The following SEMA3A variants were observed in gnomAD, a reference collection of about 807,000 sequenced individuals.
SEMA3A encodes semaphorin-3A.
A neutral mutation model predicts 97.9 loss-of-function variants in SEMA3A; 29 were observed. The ratio of observed to expected loss-of-function variants is 0.30; its 90% confidence interval spans 0.22 to 0.40. SEMA3A has a LOEUF of 0.40. Among genes scored for constraint, SEMA3A ranks in the 10% least tolerant of loss-of-function variants. The probability of loss-of-function intolerance (pLI) is 1.00; values close to 1 mark genes in which losing one functional copy is unlikely to be tolerated. For missense variants in SEMA3A, 763 were observed against 951.3 expected (o/e 0.80, Z 2.60); for synonymous variants, 321 against 323.7 (o/e 0.99, Z 0.09).
intron 2 of SEMA3A, among the ~76,000 whole-genome samples, chr7:84,312,915 T>TATAC (rs1801372958): frequency 2.3e-5 from 1 of 43,580 alleles, no homozygotes; most frequent in African/African-American, 6.7e-5. Context: ...TATATATATA[T>TATAC]ATATATACAC....
intron 6 of SEMA3A, among the ~76,000 whole-genome samples, chr7:84,031,718 C>G (rs924892981): frequency 6.6e-6 from 1 of 152,034 alleles, no homozygotes; most frequent in Non-Finnish European, 1.5e-5. Context: ...TGCCTGTAAT[C>G]TCAGCTACTC....
At chr7:84,255,358 C>T (rs938882364) in intron 3 of SEMA3A, among the ~76,000 whole-genome samples, 2 of 151,994 alleles carry the variant, frequency 1.3e-5, no homozygotes, top group African/African-American at 2.4e-5. Flanking sequence ...TTGAGATTGT[C>T]TTCATCCAGG....
intron 5 of SEMA3A, among the ~76,000 whole-genome samples, chr7:84,054,982 C>A (rs6975438): frequency 6.6e-6 from 1 of 151,282 alleles, no homozygotes; most frequent in Admixed American, 6.6e-5. Flanking sequence ...GTCAGTCTGC[C>A]CCTGCTGTGG....
In SEMA3A at chr7:84,219,671, A is replaced by C. The variant is rs117761072; in HGVS notation, c.-82-25003T>G. Reference sequence around the variant, plus strand: ...AATTTTAAAATACTTTATTGCTAAAAATTGCTAAGAATCATCTCAGCCTTC... The same window carrying C: ...AATTTTAAAATACTTTATTGCTAAACATTGCTAAGAATCATCTCAGCCTTC... On this transcript the variant is annotated intron_variant, in intron 3 of 3. Transcript: ENST00000424555. 6.6e-3 allele frequency among the ~76,000 whole-genome samples: 1,004 copies of C among 152,306 alleles called. 8 individuals are homozygous for C. Among genetic ancestry groups the C allele is most frequent in the Non-Finnish European group, 0.011 (763 of 68,020 alleles).
At chr7:84,450,520 C>T (rs1805528481) in intron 1 of SEMA3A, among the ~76,000 whole-genome samples, 1 of 152,182 alleles carries the variant, frequency 6.6e-6, no homozygotes, top group Non-Finnish European at 1.5e-5. Context: ...ATCTGTGATG[C>T]AATGTATGGC....
At chr7:84,361,037 T>A (rs1802706351) in intron 2 of SEMA3A, among the ~76,000 whole-genome samples, 1 of 152,142 alleles carries the variant, frequency 6.6e-6, no homozygotes, top group Non-Finnish European at 1.5e-5. Context: ...TAATATTCAA[T>A]TTTCCATTTT....
At chr7:84,428,440 A>G (rs983264501) in intron 1 of SEMA3A, among the ~76,000 whole-genome samples, 31 of 152,102 alleles carry the variant, frequency 2.0e-4, no homozygotes, top group Admixed American at 1.2e-3. Flanking sequence ...GATTTCAAAC[A>G]TAACAGCTAT....
rs77891548 is a variant in SEMA3A, at chr7:83,962,206, C to T, written c.1861-380G>A. On this transcript the variant is annotated intron_variant, in intron 16 of 16. Coordinates refer to ENST00000265362, the MANE Select transcript of SEMA3A (RefSeq NM_006080.3). ...ACAGAACCATGATACTAGAAAGATA[C>T]GGGGCATTAGAATGAATTTATAATA... 6.3e-4 allele frequency among the ~76,000 whole-genome samples: 95 copies of T among 151,752 alleles called. 2 individuals carry two copies. In the East Asian group the frequency reaches 0.016, roughly 26 times the overall value.
At chr7:84,298,896 G>A (rs550886870) in intron 3 of SEMA3A, among the ~76,000 whole-genome samples, 1 of 152,216 alleles carries the variant, frequency 6.6e-6, no homozygotes, top group Admixed American at 6.5e-5. Flanking sequence ...AATAAAGCAG[G>A]CAGGAGACGA....
At chr7:84,432,030 G>A (rs1047182874) in intron 1 of SEMA3A, among the ~76,000 whole-genome samples, 1 of 152,000 alleles carries the variant, frequency 6.6e-6, no homozygotes, top group Non-Finnish European at 1.5e-5. Flanking sequence ...AAAGAAGGGA[G>A]ACTGTGGATT....
rs1001078274 is a variant in SEMA3A, at chr7:84,060,519, C to G, written c.493G>C (p.Gly165Arg). 6.3e-7 allele frequency: 1 copy of G among 1,594,972 alleles called. No individual in the cohort carries two copies. The highest frequency in any genetic ancestry group is 8.5e-7 in the Non-Finnish European group (1 of 1,172,864). Residue 165 changes from glycine (G) to arginine (R), a missense_variant, in exon 5 of 17, where the codon GGC becomes CGC. This residue lies in a region of SEMA3A where 678 missense variants were observed against 881.3 expected (regional missense o/e 0.77). Coordinates refer to ENST00000265362, the MANE Select transcript of SEMA3A (RefSeq NM_006080.3). ...FKLENSHFENGRGKSPYDPKL... is the reference protein window; with the variant it reads ...FKLENSHFENRRGKSPYDPKL... The stretch of plus-strand genomic sequence containing the variant: ...GGGTCATATGGACTCTTCCCACGGC[C>G]GTTTTCAAAATGTGAGTTCTCCAGC...
chr7:84,246,908 A>G (rs1799487974), intron 3 of SEMA3A, among the ~76,000 whole-genome samples: 1 of 152,148 alleles, frequency 6.6e-6, no homozygotes, highest in Non-Finnish European at 1.5e-5. Flanking sequence ...GCAAGAGCTT[A>G]ACAATATGAG....
chr7:84,370,758 G>A (rs956796143), intron 2 of SEMA3A, among the ~76,000 whole-genome samples: 28 of 151,526 alleles, frequency 1.8e-4, no homozygotes, highest in Non-Finnish European at 3.5e-4. Flanking sequence ...GAAGTTGTAA[G>A]ATGTAAAGTT....
intron 1 of SEMA3A, among the ~76,000 whole-genome samples, chr7:84,179,396 C>T (rs17302032): frequency 0.2 from 30,331 of 152,128 alleles, 3,807 homozygotes; most frequent in Non-Finnish European, 0.29. Context: ...AGACAGTGTG[C>T]TTCTACTAGA....
chr7:84,099,649 C>T (rs1020880677), intron 4 of SEMA3A, among the ~76,000 whole-genome samples: 5 of 151,936 alleles, frequency 3.3e-5, no homozygotes, highest in African/African-American at 9.7e-5. Flanking sequence ...GAATCATAAA[C>T]GCTTTTTTTA....
At chr7:84,292,472 C>A (rs1800774410) in intron 3 of SEMA3A, among the ~76,000 whole-genome samples, 1 of 151,074 alleles carries the variant, frequency 6.6e-6, no homozygotes, top group African/African-American at 2.4e-5. Flanking sequence ...GCAACCATTT[C>A]TTGGTGTAAA....
At chr7:84,377,135 T>C (rs1803124527) in intron 1 of SEMA3A, among the ~76,000 whole-genome samples, 1 of 152,214 alleles carries the variant, frequency 6.6e-6, no homozygotes, top group Non-Finnish European at 1.5e-5. Flanking sequence ...TTTCTTCTAA[T>C]AGTTTCATAG....
chr7:84,267,587 T>C (rs2115687912), intron 3 of SEMA3A, among the ~76,000 whole-genome samples: 1 of 152,188 alleles, frequency 6.6e-6, no homozygotes, highest in South Asian at 2.1e-4. Context: ...TGAAAATATA[T>C]ACAGTTTTAT....
intron 4 of SEMA3A, among the ~76,000 whole-genome samples, chr7:84,067,493 A>G (rs1415660673): frequency 6.6e-6 from 1 of 151,162 alleles, no homozygotes; most frequent in Non-Finnish European, 1.5e-5. Flanking sequence ...GCAACCTACA[A>G]AATGGGAGAA....
Sources: gnomAD v4.1 joint callset for allele counts (sites outside exome capture counted in the v4.1 genomes callset) on GRCh38, gnomAD v4.1.1 for gene constraint, gnomAD v4.1.1 regional missense constraint, MANE v1.5 for transcripts, NCBI Gene and HGNC (gene_info 2026-07-23, HGNC 2026-07-21) for gene names.